The following RARB variants were observed in gnomAD, a reference collection of about 807,000 sequenced individuals.
RARB encodes HBV-activated protein.
Under a neutral mutation model 51.9 loss-of-function variants are expected in RARB, and 17 were observed. The ratio of observed to expected loss-of-function variants is 0.33; its 90% CI spans 0.22 to 0.49. The LOEUF is 0.49. Among genes scored for constraint, RARB ranks in the 20% least tolerant of loss-of-function variants. The pLI, the probability that RARB is intolerant of heterozygous loss-of-function variation, is 0.99. For synonymous variants in RARB, 215 were observed against 195.4 expected (o/e 1.10, Z -0.84); for missense variants, 369 against 550.8 (o/e 0.67, Z 3.30).
At chr3:25,569,131 G>T (rs1054410116) in intron 3 of RARB, among the ~76,000 whole-genome samples, 7 of 152,232 alleles carry the variant, frequency 4.6e-5, no homozygotes, top group Admixed American at 2.6e-4. Flanking sequence ...CCAGGCTGAA[G>T]ATTTCATACT....
chr3:25,174,258 C>T, exon 5 of RARB: 1 of 557,916 alleles, frequency 1.8e-6, no homozygotes, highest in South Asian at 1.8e-5. Flanking sequence ...GCAAGGTCAT[C>T]AGTTGAACCA....
chr3:25,158,616 G>T (rs552861583), intron 4 of RARB, among the ~76,000 whole-genome samples: 1 of 152,176 alleles, frequency 6.6e-6, no homozygotes, highest in South Asian at 2.1e-4. Flanking sequence ...GGGCAGAGAA[G>T]ATTTGGGAAT....
intron 5 of RARB, among the ~76,000 whole-genome samples, chr3:25,421,194 T>C (rs1707848465): frequency 6.6e-6 from 1 of 151,918 alleles, no homozygotes; most frequent in Admixed American, 6.6e-5. Flanking sequence ...ACTAGGTATA[T>C]GCAGCAAATT....
intron 2 of RARB, among the ~76,000 whole-genome samples, chr3:25,049,216 A>G (rs900894951): frequency 5.3e-5 from 8 of 152,210 alleles, no homozygotes; most frequent in South Asian, 2.1e-4. Context: ...TGGAAGAACT[A>G]AGGAACTGGG....
intron 5 of RARB, among the ~76,000 whole-genome samples, chr3:25,304,433 C>T (rs576630383): frequency 6.6e-6 from 1 of 152,284 alleles, no homozygotes; most frequent in East Asian, 1.9e-4. Flanking sequence ...CCTAGTATTG[C>T]CCTCTTAGAT....
At chr3:24,863,357 A>T (rs1029262381) in intron 2 of RARB, among the ~76,000 whole-genome samples, 1 of 152,212 alleles carries the variant, frequency 6.6e-6, no homozygotes, top group African/African-American at 2.4e-5. Context: ...CCCTGTCTAT[A>T]AAACGCTGAT....
chr3:25,335,109 C>T (rs562280871), intron 5 of RARB, among the ~76,000 whole-genome samples: 1 of 152,256 alleles, frequency 6.6e-6, no homozygotes, highest in East Asian at 1.9e-4. Flanking sequence ...TTCTCTCTGC[C>T]TCTGTTTCCT....
At chr3:25,587,103 C>A (rs1701422484) in intron 5 of RARB, among the ~76,000 whole-genome samples, 2 of 152,064 alleles carry the variant, frequency 1.3e-5, no homozygotes, top group African/African-American at 2.4e-5. Context: ...GCCTCAGTTT[C>A]CTCACCAATT....
At chr3:25,075,664 T>C (rs56026803) in intron 3 of RARB, among the ~76,000 whole-genome samples, 25,719 of 130,830 alleles carry the variant, frequency 0.2, 2,273 homozygotes, top group South Asian at 0.28. Context: ...AGTGAGAGAA[T>C]TGTCCTCAGG....
chr3:25,212,653 A>G lies in RARB; in HGVS notation c.178+38078A>G, dbSNP rs140079137. ...AGAAGTGAATCTCATTAATTCTGAG[A>G]CAATGTGCTATCCAGACCATTGTGT... is the stretch of plus-strand genomic sequence containing the variant. On this transcript the variant is annotated intron_variant, in intron 5 of 11. Transcript: ENST00000383772. 2.5e-3 allele frequency among the ~76,000 whole-genome samples: 387 copies of G among 152,334 alleles called. 4 individuals are homozygous for G. Among genetic ancestry groups the G allele is most frequent in the African/African-American group, 8.8e-3 (367 of 41,578 alleles).
chr3:25,363,900 C>T (rs1056285962), intron 5 of RARB, among the ~76,000 whole-genome samples: 1 of 152,164 alleles, frequency 6.6e-6, no homozygotes, highest in African/African-American at 2.4e-5. Flanking sequence ...CAGTAGACTC[C>T]CATCTCGGGT....
At chr3:25,318,481 G>A (rs972116549) in intron 5 of RARB, among the ~76,000 whole-genome samples, 2 of 152,118 alleles carry the variant, frequency 1.3e-5, no homozygotes, top group Non-Finnish European at 2.9e-5. Flanking sequence ...TGCTGGTTTA[G>A]CATAAAATAC....
chr3:25,269,781 A>T (rs1024580366), intron 5 of RARB, among the ~76,000 whole-genome samples: 12 of 152,218 alleles, frequency 7.9e-5, no homozygotes, highest in Admixed American at 5.2e-4. Context: ...AGCCTAAAAC[A>T]TCTTTGTTAA....
intron 2 of RARB, among the ~76,000 whole-genome samples, chr3:24,861,169 A>G (rs1000358150): frequency 3.9e-5 from 6 of 152,212 alleles, no homozygotes; most frequent in African/African-American, 7.2e-5. Context: ...TTTTCCGGTC[A>G]TTATTCCCTA....
At chr3:24,873,475 G>C (rs115565688) in intron 2 of RARB, among the ~76,000 whole-genome samples, 1,570 of 151,702 alleles carry the variant, frequency 0.01, 26 homozygotes, top group African/African-American at 0.037. Flanking sequence ...TTCCATTCTT[G>C]TTTCTTAGTT....
intron 4 of RARB, among the ~76,000 whole-genome samples, chr3:25,162,400 G>A (rs1475943864): frequency 2.6e-5 from 4 of 152,092 alleles, no homozygotes; most frequent in South Asian, 2.1e-4. Flanking sequence ...CAAACCACAC[G>A]CCCAGCCATT....
At chr3:25,500,212 T>G (rs1697224932) in intron 2 of RARB, among the ~76,000 whole-genome samples, 1 of 152,216 alleles carries the variant, frequency 6.6e-6, no homozygotes, top group African/African-American at 2.4e-5. Context: ...TTATTTACTT[T>G]TCATTAATTT....
At chr3:24,885,690 G>T (rs950838453) in intron 2 of RARB, among the ~76,000 whole-genome samples, 1 of 152,100 alleles carries the variant, frequency 6.6e-6, no homozygotes, top group Non-Finnish European at 1.5e-5. Flanking sequence ...GTTAGAATTG[G>T]GTAAGACAGA....
intron 1 of RARB, among the ~76,000 whole-genome samples, chr3:24,839,658 G>A (rs1702393036): frequency 7.9e-6 from 1 of 127,076 alleles, no homozygotes; most frequent in African/African-American, 2.9e-5. Context: ...AGTGAGCCGA[G>A]ATGCCACTGC....
Sources: allele counts gnomAD v4.1 joint callset (sites outside exome capture counted in the v4.1 genomes callset), GRCh38; gene constraint gnomAD v4.1.1; transcripts MANE v1.5; gene names NCBI Gene and HGNC (gene_info 2026-07-23, HGNC 2026-07-21).